Variants in PCDHGA7 observed in about 807,000 individuals in gnomAD.
The protein encoded by PCDHGA7 is protocadherin gamma-A7.
PCDHGA7 carries 44 observed loss-of-function variants against 58.3 expected under a neutral mutation model. The observed-to-expected ratio is 0.75, with a 90% CI of 0.59 to 0.97. The LOEUF (loss-of-function observed/expected upper bound fraction) is 0.97. Among genes scored for constraint, PCDHGA7 ranks in the 50% least tolerant of loss-of-function variants. The pLI is 0.00. For missense variants in PCDHGA7, 1,266 were observed against 1,188.7 expected (o/e 1.06, Z -0.96); for synonymous variants, 516 against 504.2 (o/e 1.02, Z -0.31).
rs1165142153 is a variant in PCDHGA7 at position 141,402,786 on chromosome 5, G to A, written c.2424+17463G>A. On this transcript the variant is annotated intron_variant, in intron 1 of 3. Transcript: ENST00000518325. ...ACTCCATCCGGATTTCCAGTTCTGC[G>A]GCTACACAAAACCCGGCAGATACCA... 3.3e-6 allele frequency: 3 copies of A among 907,574 alleles called. No homozygotes were observed. The African/African-American group carries it at 5.0e-5, about 15-fold the overall frequency. 56.2% of individuals were successfully genotyped at this position (907,574 alleles called of 1,614,324 possible).
chr5:141,449,425 G>T (rs1206395356), intron 1 of PCDHGA7, among the ~76,000 whole-genome samples: 2 of 151,688 alleles, frequency 1.3e-5, no homozygotes, highest in Non-Finnish European at 2.9e-5. Context: ...TGGCCAACAT[G>T]ATAAAACTCC....
chr5:141,502,785 A>G (rs576095718), intron 2 of PCDHGA7, among the ~76,000 whole-genome samples: 2 of 150,900 alleles, frequency 1.3e-5, no homozygotes, highest in East Asian at 3.9e-4. Context: ...AATTACCTGG[A>G]TGATTTCTTC....
At chr5:141,478,050 CG>C in intron 1 of PCDHGA7, 1 of 1,614,184 alleles carries the variant, frequency 6.2e-7, no homozygotes, top group Non-Finnish European at 8.5e-7. Context: ...CAGACTCTCA[CG>C]GTCTTGATCA....
chr5:141,419,304 G>T, intron 1 of PCDHGA7: 1 of 1,613,994 alleles, frequency 6.2e-7, no homozygotes, highest in Non-Finnish European at 8.5e-7. Context: ...CCAGACTTCG[G>T]GCTCAACGGC....
chr5:141,449,854 T>C (rs769118919), intron 1 of PCDHGA7, among the ~76,000 whole-genome samples: 7 of 151,974 alleles, frequency 4.6e-5, no homozygotes, highest in South Asian at 4.1e-4. Context: ...ATTTTAATAA[T>C]AAAAATCAGA....
intron 1 of PCDHGA7, among the ~76,000 whole-genome samples, chr5:141,448,316 T>C (rs1042171540): frequency 6.6e-6 from 1 of 152,174 alleles, no homozygotes; most frequent in Non-Finnish European, 1.5e-5. Flanking sequence ...AGGAATCTTT[T>C]CTTTGAATCT....
intron 1 of PCDHGA7, chr5:141,395,094 G>A (rs192995605): frequency 6.2e-7 from 1 of 1,614,160 alleles, no homozygotes; most frequent in African/African-American, 1.3e-5. Flanking sequence ...CTCCCTCACC[G>A]CCGACTCGCG....
chr5:141,428,624 C>CT, intron 1 of PCDHGA7: 1 of 193,988 alleles, frequency 5.2e-6, no homozygotes, highest in South Asian at 1.1e-4. Context: ...AAGATAAGCT[C>CT]TAACTCTGTT....
chr5:141,459,090 A>G (rs769066156), intron 1 of PCDHGA7, among the ~76,000 whole-genome samples: 4 of 152,218 alleles, frequency 2.6e-5, no homozygotes, highest in Non-Finnish European at 4.4e-5. Flanking sequence ...TTAAAATTAT[A>G]CAGTGCAATG....
Position 141,421,845 on chromosome 5 carries a change from G to C in PCDHGA7, c.2424+36522G>C, listed in dbSNP as rs369443134. On this transcript the variant is annotated intron_variant, in intron 1 of 3. Transcript: ENST00000518325. ...AGGGAAGCCTGGACCGAGAGAAAGA[G>C]GCTGCTCACCTGCTCCTCCTCACAG... The C allele has an allele frequency of 1.1e-5, 18 of 1,613,638 alleles. No homozygotes were observed. The African/African-American group carries it at 2.1e-4, about 19-fold the overall frequency.
chr5:141,397,087 A>G (rs1386683594), intron 1 of PCDHGA7, among the ~76,000 whole-genome samples: 3 of 152,240 alleles, frequency 2.0e-5, no homozygotes, highest in African/African-American at 7.2e-5. Context: ...AAGTCATTTC[A>G]GATAGGATAA....
chr5:141,400,302 T>C (rs7701363), intron 1 of PCDHGA7: 17,655 of 1,614,082 alleles, frequency 0.011, 144 homozygotes, highest in Admixed American at 0.034. Flanking sequence ...GCTTCCAACC[T>C]GGTCTCTGTG....
At chr5:141,402,391 T>C (rs1344810342) in intron 1 of PCDHGA7, among the ~76,000 whole-genome samples, 3 of 151,962 alleles carry the variant, frequency 2.0e-5, no homozygotes, top group African/African-American at 7.2e-5. Context: ...AAAAATTACT[T>C]CAGAAAATTG....
chr5:141,423,699 T>C, intron 1 of PCDHGA7: 1 of 1,469,146 alleles, frequency 6.8e-7, no homozygotes, highest in East Asian at 2.5e-5. Context: ...GTTGGTGTCT[T>C]GGCACAAGTC....
intron 1 of PCDHGA7, among the ~76,000 whole-genome samples, chr5:141,468,857 C>A (rs1386167428): frequency 2.0e-5 from 3 of 151,962 alleles, no homozygotes; most frequent in Non-Finnish European, 4.4e-5. Context: ...CAGAGCGAGA[C>A]TCCATCTCAA....
chr5:141,410,109 ACG>A, intron 1 of PCDHGA7: 1 of 1,612,496 alleles, frequency 6.2e-7, no homozygotes, highest in Non-Finnish European at 8.5e-7. Flanking sequence ...GGCGACAGGG[ACG>A]CAGCCCGCCA....
chr5:141,390,173 T>C (rs1212038164), intron 1 of PCDHGA7: 1 of 1,613,616 alleles, frequency 6.2e-7, no homozygotes. Flanking sequence ...CGGAGTTTAA[T>C]TTCCTAAAAT....
intron 1 of PCDHGA7, chr5:141,409,612 C>T: frequency 6.2e-7 from 1 of 1,613,908 alleles, no homozygotes; most frequent in Non-Finnish European, 8.5e-7. Flanking sequence ...CAGGAGCCTC[C>T]ATTGCGCAAG....
Position 141,431,075 on chromosome 5 carries a change from C to G in PCDHGA7, c.2424+45752C>G. ...GGGGGCCATCAAGTGTCAATTAAAT[C>G]TAGACATTCTGATGGAGGATAAAGT... is the stretch of plus-strand genomic sequence containing the variant. On this transcript the variant is annotated intron_variant, in intron 1 of 3. Coordinates refer to ENST00000518325, the MANE Select transcript of PCDHGA7 (RefSeq NM_018920.4). The surrounding 1 kb of genome is among the most constrained non-coding windows in gnomAD (Gnocchi z 4.8). 1 of 1,614,156 alleles carries G rather than the reference C, an allele frequency of 6.2e-7. No homozygotes were observed. Among genetic ancestry groups the G allele is most frequent in the Non-Finnish European group, 8.5e-7 (1 of 1,179,984 alleles).
Sources: allele counts gnomAD v4.1 joint callset (sites outside exome capture counted in the v4.1 genomes callset), GRCh38; gene constraint gnomAD v4.1.1; non-coding constraint Gnocchi (gnomAD v3.1); transcripts MANE v1.5; gene names NCBI Gene and HGNC (gene_info 2026-07-23, HGNC 2026-07-21).